Variants in AMD1 observed in about 807,000 individuals in gnomAD.
AMD1 encodes adenosylmethionine decarboxylase 1, also known as S-adenosylmethionine decarboxylase proenzyme.
AMD1 carries 11 observed loss-of-function variants against 40.2 expected under a neutral mutation model. The observed-to-expected ratio is 0.27, with a 90% CI of 0.17 to 0.45. The LOEUF is 0.45. Among genes scored for constraint, AMD1 ranks in the 20% least tolerant of loss-of-function variants. AMD1 has a pLI of 1.00. For synonymous variants in AMD1, 121 were observed against 130.8 expected (o/e 0.93, Z 0.51); for missense variants, 257 against 410.2 (o/e 0.63, Z 3.23).
At chr6:110,815,225 C>T in the AMD1 span, 1 of 1,357,222 alleles carries the variant, frequency 7.4e-7, no homozygotes, top group Admixed American at 3.4e-5. Context: ...CGCTCCACTT[C>T]TCCAACAGCC....
the AMD1 span, among the ~76,000 whole-genome samples, chr6:110,828,176 A>T: frequency 6.6e-6 from 1 of 152,174 alleles, no homozygotes; most frequent in South Asian, 2.1e-4. Context: ...CACGTCTGTA[A>T]TTCCAAAACT....
At chr6:110,841,732 TAA>T in the AMD1 span, among the ~76,000 whole-genome samples, 65 of 137,038 alleles carry the variant, frequency 4.7e-4, no homozygotes, top group Admixed American at 5.9e-4. Context: ...ATGCCCCCAT[TAA>T]AAAAAAAAAA....
the AMD1 span, among the ~76,000 whole-genome samples, chr6:110,819,244 C>T: frequency 2.6e-5 from 4 of 152,136 alleles, no homozygotes; most frequent in Admixed American, 6.5e-5. Flanking sequence ...GTAATCCCAG[C>T]TACTCAGGAG....
the AMD1 span, among the ~76,000 whole-genome samples, chr6:110,867,973 T>A: frequency 6.6e-6 from 1 of 152,172 alleles, no homozygotes; most frequent in African/African-American, 2.4e-5. Context: ...TCCATTAAGT[T>A]CATTGTTCAT....
chr6:110,890,221 CT>C (rs201408347), intron 3 of AMD1, 32 bp from the exon 4 acceptor site: 128 of 1,419,724 alleles, frequency 9.0e-5, no homozygotes, highest in Non-Finnish European at 9.4e-5. Flanking sequence ...CTAAAGTCAT[CT>C]TTTTTTTTCT....
intron 1 of AMD1, among the ~76,000 whole-genome samples, chr6:110,876,610 C>T (rs891571438): frequency 6.6e-6 from 1 of 151,990 alleles, no homozygotes; most frequent in Non-Finnish European, 1.5e-5. Flanking sequence ...AAATGTCACA[C>T]GTCTCATTTT....
intron 4 of AMD1, 31 bp from the exon 5 acceptor site, chr6:110,892,130 A>G: frequency 1.2e-6 from 2 of 1,610,090 alleles, no homozygotes; most frequent in Non-Finnish European, 1.7e-6. Context: ...TGGATGTGTT[A>G]TATTTATTTT....
the AMD1 span, among the ~76,000 whole-genome samples, chr6:110,819,963 G>A: frequency 4.6e-5 from 7 of 152,254 alleles, no homozygotes; most frequent in Admixed American, 3.9e-4. Flanking sequence ...TGCCATGACA[G>A]TTTACAAATG....
intron 3 of AMD1, 113 bp downstream of exon 3, chr6:110,889,096 A>G (rs1785870175): frequency 7.7e-7 from 1 of 1,302,256 alleles, no homozygotes; most frequent in Non-Finnish European, 1.0e-6. Context: ...AATGCATGCA[A>G]ACACGTGGTA....
At chr6:110,858,918 G>T in the AMD1 span, 1 of 923,390 alleles carries the variant, frequency 1.1e-6, no homozygotes, top group Non-Finnish European at 1.8e-6. Context: ...CCGGGACCCG[G>T]TTGACACCAA....
the AMD1 span, among the ~76,000 whole-genome samples, chr6:110,863,588 T>G: frequency 1.3e-5 from 2 of 151,584 alleles, no homozygotes; most frequent in African/African-American, 4.8e-5. Context: ...CAGGCTGGTC[T>G]TGAACGCCTG....
chr6:110,829,883 G>A, the AMD1 span, among the ~76,000 whole-genome samples: 2,040 of 152,116 alleles, frequency 0.013, 47 homozygotes, highest in African/African-American at 0.047. Context: ...ATTTTTCTGA[G>A]AACCCTGAAG....
intron 1 of AMD1, among the ~76,000 whole-genome samples, chr6:110,885,169 T>G (rs1785613213): frequency 6.6e-6 from 1 of 152,228 alleles, no homozygotes; most frequent in Admixed American, 6.5e-5. Context: ...CAGGCTGGAA[T>G]GCAGTGGTGC....
chr6:110,885,113 G>A (rs564120904), intron 1 of AMD1, among the ~76,000 whole-genome samples: 2 of 152,122 alleles, frequency 1.3e-5, no homozygotes, highest in Admixed American at 6.6e-5. Flanking sequence ...TCATTCCCAC[G>A]AGTAGTTTGT....
chr6:110,818,141 C>T, the AMD1 span, among the ~76,000 whole-genome samples: 12 of 152,198 alleles, frequency 7.9e-5, no homozygotes, highest in East Asian at 1.5e-3. Context: ...ATTATTCTGT[C>T]GACCTAAAAG....
intron 1 of AMD1, among the ~76,000 whole-genome samples, chr6:110,883,950 G>A (rs1785549069): frequency 6.6e-6 from 1 of 152,144 alleles, no homozygotes. Context: ...CCCTATGTGA[G>A]TCAGGCATTG....
chr6:110,879,464 A>G (rs1378285102), intron 1 of AMD1, among the ~76,000 whole-genome samples: 1 of 152,214 alleles, frequency 6.6e-6, no homozygotes, highest in Non-Finnish European at 1.5e-5. Context: ...AAAATTTGAG[A>G]TAGAGAAACA....
upstream of AMD1, among the ~76,000 whole-genome samples, chr6:110,871,255 A>G (rs188339394): frequency 6.6e-6 from 1 of 152,348 alleles, no homozygotes; most frequent in Admixed American, 6.5e-5. Flanking sequence ...ACATCATTCC[A>G]TCTTGGGCTA....
the AMD1 span, among the ~76,000 whole-genome samples, chr6:110,838,276 C>A: frequency 6.7e-6 from 1 of 148,792 alleles, no homozygotes; most frequent in Non-Finnish European, 1.5e-5. Context: ...ATAGTCCCAG[C>A]TACTCGGGAG....
Sources: allele counts gnomAD v4.1 joint callset (sites outside exome capture counted in the v4.1 genomes callset), GRCh38; gene constraint gnomAD v4.1.1; transcripts MANE v1.5; gene names NCBI Gene and HGNC (gene_info 2026-07-23, HGNC 2026-07-21).